The following BEND4 variants were observed in gnomAD, a reference collection of about 807,000 sequenced individuals.
BEND4 encodes BEN domain-containing protein 4.
In BEND4, 27 loss-of-function variants were observed where a neutral mutation model predicts 54.7. That is an observed-to-expected ratio of 0.49 (90% confidence interval 0.36 to 0.68). BEND4 has a LOEUF of 0.68. Ranked by LOEUF, BEND4 falls within the 30% of genes least tolerant of loss-of-function variation. BEND4 has a pLI of 0.00. For missense variants in BEND4, 702 were observed against 697.2 expected (o/e 1.01, Z -0.08); for synonymous variants, 327 against 299.5 (o/e 1.09, Z -0.95).
intron 4 of BEND4, among the ~76,000 whole-genome samples, chr4:42,125,212 A>AGAATCATGCCGG (rs1720224783): frequency 1.3e-5 from 2 of 152,058 alleles, no homozygotes; most frequent in African/African-American, 4.8e-5. Flanking sequence ...CTGCACACTG[A>AGAATCATGCCGG]AGAATCATGC....
chr4:42,139,170 T>C (rs1017561688), intron 3 of BEND4, among the ~76,000 whole-genome samples: 2 of 152,204 alleles, frequency 1.3e-5, no homozygotes, highest in Non-Finnish European at 2.9e-5. Flanking sequence ...TTTTTGCTTA[T>C]AAAATTTCAC....
chr4:42,145,852 C>G (rs1721064125), intron 2 of BEND4, among the ~76,000 whole-genome samples: 2 of 152,154 alleles, frequency 1.3e-5, no homozygotes. Flanking sequence ...ATAAACTGCA[C>G]TGGAGTGTCA....
At chr4:42,145,293 G>C (rs992138557) in intron 2 of BEND4, among the ~76,000 whole-genome samples, 1 of 152,152 alleles carries the variant, frequency 6.6e-6, no homozygotes, top group South Asian at 2.1e-4. Context: ...TCCATGCAGT[G>C]CTCAACGTTC....
chr4:42,122,392 A>G (rs1261635974), intron 4 of BEND4, among the ~76,000 whole-genome samples: 1 of 152,186 alleles, frequency 6.6e-6, no homozygotes, highest in East Asian at 1.9e-4. Context: ...TGTTTATTCA[A>G]TGCCAGACTC....
In BEND4 at chr4:42,112,925, G is replaced by C. The variant is rs936163182; in HGVS notation, c.*4593C>G. 2 of 152,248 alleles carry C rather than the reference G, an allele frequency of 1.3e-5. No individual in the cohort carries two copies. The highest frequency in any genetic ancestry group is 3.4e-3 in the Middle Eastern group (1 of 294). The allele number at this position is 152,248 out of a possible 1,614,324, so 9.4% of individuals were successfully genotyped here. On this transcript the variant is annotated 3_prime_UTR_variant, in exon 6 of 6. Coordinates refer to ENST00000502486, the MANE Select transcript of BEND4 (RefSeq NM_207406.4). Reference sequence around the variant, plus strand: ...CTTTGCAGAGGACTACCCATCTGCTGGGTGACGTTTTCCTACATTACTCCA... The same window carrying C: ...CTTTGCAGAGGACTACCCATCTGCTCGGTGACGTTTTCCTACATTACTCCA...
intron 3 of BEND4, among the ~76,000 whole-genome samples, chr4:42,130,260 C>A (rs1720459056): frequency 6.6e-6 from 1 of 152,100 alleles, no homozygotes; most frequent in South Asian, 2.1e-4. Context: ...GCGGGCGGAT[C>A]ACAAGGTCAG....
chr4:42,113,991 G>A lies in BEND4; in HGVS notation c.*3527C>T, dbSNP rs1719691248. 6.6e-6 allele frequency: 1 copy of A among 152,188 alleles called. No homozygotes were observed. Among genetic ancestry groups the A allele is most frequent in the Non-Finnish European group, 1.5e-5 (1 of 68,028 alleles). The allele number at this position is 152,188 out of a possible 1,614,324, so 9.4% of individuals were successfully genotyped here. A position where few individuals can be genotyped will look rare whatever the true frequency, so the allele number is the denominator to read the frequency against. ...TGATGCGCGGGTTCAAGGGCTAGAG[G>A]AAATATTTACAAGTAAATACAGAAA... On this transcript the variant is annotated 3_prime_UTR_variant, in exon 6 of 6. Transcript: ENST00000502486.
At position 42,114,045 on chromosome 4, in the gene BEND4, G is replaced by A. The variant is rs757009093; in HGVS notation, c.*3473C>T. On this transcript the variant is annotated 3_prime_UTR_variant, in exon 6 of 6. Transcript: ENST00000502486. ...CTTGTAAAATGTTCAAGTAAAATGAGAAAGTACTTGTAAAATTGAAATGGT... is the reference window on the plus strand; with the variant it reads ...CTTGTAAAATGTTCAAGTAAAATGAAAAAGTACTTGTAAAATTGAAATGGT... The A allele has an allele frequency of 6.6e-5, 10 of 152,212 alleles. No individual in the cohort carries two copies. Among genetic ancestry groups the A allele is most frequent in the Non-Finnish European group, 1.5e-4 (10 of 68,032 alleles). 9.4% of individuals were successfully genotyped at this position (152,212 alleles called of 1,614,324 possible). A position where few individuals can be genotyped will look rare whatever the true frequency, so the allele number is the denominator to read the frequency against.
In BEND4 at chr4:42,116,824, T is replaced by C. The variant is rs775129680; in HGVS notation, c.*694A>G. 1 of 152,212 alleles carries C rather than the reference T, an allele frequency of 6.6e-6. No homozygotes were observed. The highest frequency in any genetic ancestry group is 1.5e-5 in the Non-Finnish European group (1 of 68,028). 9.4% of individuals were successfully genotyped at this position (152,212 alleles called of 1,614,324 possible). ...GCATTTGAAAATGGTTTTGGATCTT[T>C]GGATGTTTCTTGACTAACAATGAAA... On this transcript the variant is annotated 3_prime_UTR_variant, in exon 6 of 6. Coordinates refer to ENST00000502486, the MANE Select transcript of BEND4 (RefSeq NM_207406.4).
Position 42,151,905 on chromosome 4 carries a change from A to G in BEND4, c.239T>C (p.Phe80Ser). The change falls in exon 2 of 6, where the codon TTC (phenylalanine) becomes TCC (serine). Residue 80 changes from phenylalanine (F) to serine (S), a missense_variant. By Grantham distance (155) the Phe-to-Ser change is radical. Coordinates refer to ENST00000502486, the MANE Select transcript of BEND4 (RefSeq NM_207406.4). ...ISSSEPPPQQ[F>S]QAQSSYPPGP... ...GGGGGGGTAGGAGCTCTGCGCCTGG[A>G]ACTGCTGCGGCGGCGGCTCGCTGCT... is the stretch of plus-strand genomic sequence containing the variant. 7.9e-7 allele frequency: 1 copy of G among 1,258,008 alleles called. No individual in the cohort carries two copies. The highest frequency in any genetic ancestry group is 9.9e-7 in the Non-Finnish European group (1 of 1,005,036). 77.9% of individuals were successfully genotyped at this position (1,258,008 alleles called of 1,614,324 possible). A position where few individuals can be genotyped will look rare whatever the true frequency, so the allele number is the denominator to read the frequency against.
At chr4:42,118,623 G>C (rs1719936618) in intron 5 of BEND4, among the ~76,000 whole-genome samples, 1 of 152,186 alleles carries the variant, frequency 6.6e-6, no homozygotes, top group Admixed American at 6.5e-5. Context: ...CTACTGACTT[G>C]CTATAGAAAT....
At chr4:42,128,265 C>T (rs755263349) in intron 3 of BEND4, among the ~76,000 whole-genome samples, 1 of 152,200 alleles carries the variant, frequency 6.6e-6, no homozygotes, top group East Asian at 1.9e-4. Context: ...AAGCTGGAAG[C>T]GTTCCCCTTG....
rs562218320 is a variant in BEND4 at position 42,112,540 on chromosome 4, C to A, written c.*4978G>T. ...GAGGATCTGTGATTCAATAAAAACA[C>A]AGCCCTTATATCAGACAGCTATAGA... On this transcript the variant is annotated 3_prime_UTR_variant, in exon 6 of 6. Transcript: ENST00000502486. 1 of 152,260 alleles carries A rather than the reference C, an allele frequency of 6.6e-6. No individual in the cohort carries two copies. Among genetic ancestry groups the A allele is most frequent in the Non-Finnish European group, 1.5e-5 (1 of 68,018 alleles). The allele number at this position is 152,260 out of a possible 1,614,324, so 9.4% of individuals were successfully genotyped here. A position where few individuals can be genotyped will look rare whatever the true frequency, so the allele number is the denominator to read the frequency against.
At position 42,117,614 on chromosome 4, in the gene BEND4, G is replaced by T. The variant is rs267600158; in HGVS notation, c.1509C>A (p.Phe503Leu). 1 of 1,613,232 alleles carries T rather than the reference G, an allele frequency of 6.2e-7. No homozygotes were observed. Among genetic ancestry groups the T allele is most frequent in the Non-Finnish European group, 8.5e-7 (1 of 1,179,616 alleles). The change falls in exon 6 of 6, where the codon TTC (phenylalanine) becomes TTA (leucine). Residue 503 changes from phenylalanine to leucine, a missense_variant. Physicochemically the swap from Phe to Leu is conservative, Grantham distance 22. Transcript: ENST00000502486. ...CATAAAATGAGCCACCGTTGTGCAG[G>T]AAAGTCCCCACCGCCCGCCCCTGTC... ...HARQGRAVGT[F>L]LHNGGSFYEG...
At chr4:42,145,330 T>A (rs1721038768) in intron 2 of BEND4, among the ~76,000 whole-genome samples, 1 of 152,148 alleles carries the variant, frequency 6.6e-6, no homozygotes, top group Non-Finnish European at 1.5e-5. Flanking sequence ...CTTATTATCC[T>A]TTCATGAAAT....
chr4:42,124,091 ATGCC>A (rs1720177229), intron 4 of BEND4, among the ~76,000 whole-genome samples: 2 of 152,236 alleles, frequency 1.3e-5, no homozygotes, highest in Non-Finnish European at 2.9e-5. Context: ...GCACAGGCTC[ATGCC>A]TGTAATCCCA....
chr4:42,117,611 C>T lies in BEND4; in HGVS notation c.1512G>A (p.Leu504=). 6.2e-7 allele frequency: 1 copy of T among 1,613,230 alleles called. No homozygotes were observed. Among genetic ancestry groups the T allele is most frequent in the Non-Finnish European group, 8.5e-7 (1 of 1,179,580 alleles). ...ARQGRAVGTF[L]HNGGSFYEGI... ...CTTCATAAAATGAGCCACCGTTGTG[C>T]AGGAAAGTCCCCACCGCCCGCCCCT... Residue 504 remains leucine (L), a synonymous_variant, in exon 6 of 6, where the codon CTG becomes CTA. Transcript: ENST00000502486.
At position 42,148,084 on chromosome 4, in the gene BEND4, A is replaced by G. The variant is rs556396204; in HGVS notation, c.487+3573T>C. Among the ~76,000 whole-genome samples, 15 of 152,318 alleles carry G rather than the reference A, an allele frequency of 9.8e-5. 1 individual carries two copies. In the South Asian group the frequency reaches 2.9e-3, roughly 29 times the overall value. On this transcript the variant is annotated intron_variant, in intron 2 of 5. Coordinates refer to ENST00000502486, the MANE Select transcript of BEND4 (RefSeq NM_207406.4). Reference sequence around the variant, plus strand: ...ACCTACTATCATGTATTCATATGTTATATCTACCCAACGATTTCTAACTAG... The same window carrying G: ...ACCTACTATCATGTATTCATATGTTGTATCTACCCAACGATTTCTAACTAG...
chr4:42,134,795 G>GT (rs1720638793), intron 3 of BEND4, among the ~76,000 whole-genome samples: 1 of 152,208 alleles, frequency 6.6e-6, no homozygotes, highest in South Asian at 2.1e-4. Flanking sequence ...GAGAAAAGGA[G>GT]TATGTTCTTA....
Sources: allele counts gnomAD v4.1 joint callset (sites outside exome capture counted in the v4.1 genomes callset), GRCh38; gene constraint gnomAD v4.1.1; transcripts MANE v1.5; gene names NCBI Gene and HGNC (gene_info 2026-07-23, HGNC 2026-07-21).